The following ZNF331 variants were observed in gnomAD, a reference collection of about 807,000 sequenced individuals.
ZNF331 encodes the protein zinc finger protein 331.
ZNF331 carries 2 observed loss-of-function variants against 7.0 expected under a neutral mutation model. The observed-to-expected ratio is 0.29, with a 90% CI of 0.12 to 0.90. ZNF331 has a LOEUF of 0.90. ZNF331 is among the 40% of genes least tolerant of loss of function. The pLI is 0.58. For synonymous variants in ZNF331, 196 were observed against 205.4 expected, an observed-to-expected ratio of 0.95 and a Z score of 0.39; for missense variants, 432 against 587.7, an observed-to-expected ratio of 0.74 and a Z score of 2.74.
chr19:53,555,278 A>G (rs1271810265), intron 2 of ZNF331: 1 of 126,186 alleles, frequency 7.9e-6, no homozygotes, highest in Admixed American at 8.6e-5. Context: ...TGTGTGTGAC[A>G]GCACAACCTG....
chr19:53,568,507 ACT>A (rs2090273869), intron 3 of ZNF331, among the ~76,000 whole-genome samples: 1 of 152,170 alleles, frequency 6.6e-6, no homozygotes, highest in African/African-American at 2.4e-5. Flanking sequence ...GTCAGCTGAT[ACT>A]GCGTGACCAA....
At chr19:53,529,585 A>G (rs117172311) in intron 2 of ZNF331, among the ~76,000 whole-genome samples, 1,925 of 152,268 alleles carry the variant, frequency 0.013, 18 homozygotes, top group Non-Finnish European at 0.019. Flanking sequence ...CTTTATCTCC[A>G]TTCTAAAGAA....
Position 53,579,651 on chromosome 19 carries a change from C to G in ZNF331, c.*1699C>G. 5.0e-6 allele frequency: 1 copy of G among 200,054 alleles called. No homozygotes were observed. Among genetic ancestry groups the G allele is most frequent in the Non-Finnish European group, 1.0e-5 (1 of 96,802 alleles). 12.4% of individuals were successfully genotyped at this position (200,054 alleles called of 1,614,324 possible). Reference sequence around the variant, plus strand: ...GTGGGTGCAATGAGTCTGGAAAAGACCATTGAGTCTTCTAGAAGAAAACAT... The same window carrying G: ...GTGGGTGCAATGAGTCTGGAAAAGAGCATTGAGTCTTCTAGAAGAAAACAT... On this transcript the variant is annotated 3_prime_UTR_variant, in exon 6 of 6. Transcript: ENST00000449416.
chr19:53,539,459 C>G lies in ZNF331; in HGVS notation c.-138+177C>G, dbSNP rs8106947. 6.6e-6 allele frequency: 1 copy of G among 151,880 alleles called. No individual in the cohort carries two copies. The highest frequency in any genetic ancestry group is 1.9e-4 in the East Asian group (1 of 5,174). 9.4% of individuals were successfully genotyped at this position (151,880 alleles called of 1,614,324 possible). A position where few individuals can be genotyped will look rare whatever the true frequency, so the allele number is the denominator to read the frequency against. On this transcript the variant is annotated intron_variant, in intron 2 of 5. Transcript: ENST00000449416. The surrounding 1 kb of genome is among the most constrained non-coding windows in gnomAD (Gnocchi z 6.1). ...TTAACACGCATAAAACCCATAGACGCGCACCCCTGAGTGGGAGTGCACAGT... is the reference window on the plus strand; with the variant it reads ...TTAACACGCATAAAACCCATAGACGGGCACCCCTGAGTGGGAGTGCACAGT...
At chr19:53,563,343 C>A (rs956894592) in intron 3 of ZNF331, among the ~76,000 whole-genome samples, 5 of 152,118 alleles carry the variant, frequency 3.3e-5, no homozygotes, top group African/African-American at 1.2e-4. Context: ...ACCTCAGCCT[C>A]CCAAAGTACT....
the ZNF331 span, chr19:53,503,380 G>A: frequency 0.093 from 43,321 of 468,150 alleles, 2,325 homozygotes; most frequent in Non-Finnish European, 0.12. Flanking sequence ...GCAGCCTGTG[G>A]GAACTGACAG....
Position 53,573,634 on chromosome 19 carries a change from ATTG to A in ZNF331, c.136+1909_136+1911del, listed in dbSNP as rs1254472560. 2.6e-5 allele frequency among the ~76,000 whole-genome samples: 4 copies of A among 151,968 alleles called. No homozygotes were observed. The highest frequency in any genetic ancestry group is 4.4e-5 in the Non-Finnish European group (3 of 67,968). On this transcript the variant is annotated intron_variant, in intron 5 of 5. Coordinates refer to ENST00000449416, the MANE Select transcript of ZNF331 (RefSeq NM_001079906.2). This position sits in a 1 kb window ranked among gnomAD's most constrained non-coding sequence, Gnocchi z 4.2. ...AGGTGCACACCACGACACCCGGCTA[ATTG>A]TTGTGTTTTTTCTTAGAGATGGGAT... is the stretch of plus-strand genomic sequence containing the variant.
upstream of ZNF331, chr19:53,537,741 T>A (rs2087825328): frequency 6.6e-6 from 1 of 152,194 alleles, no homozygotes; most frequent in South Asian, 2.1e-4. Context: ...GGCCCCAGCG[T>A]TGGGGGACTA....
chr19:53,550,509 TGATTTA>T (rs1311113507), intron 2 of ZNF331, among the ~76,000 whole-genome samples: 3 of 151,266 alleles, frequency 2.0e-5, no homozygotes, highest in Non-Finnish European at 4.4e-5. Context: ...TTACAGTTTT[TGATTTA>T]AAGTCTATTT....
intron 2 of ZNF331, among the ~76,000 whole-genome samples, chr19:53,542,262 C>G (rs2088228558): frequency 6.6e-6 from 1 of 152,118 alleles, no homozygotes; most frequent in Non-Finnish European, 1.5e-5. Flanking sequence ...ATATTTCTAC[C>G]TTGTAGGATT....
rs891640664 is a variant in ZNF331, at chr19:53,528,982, T to G, written c.-205+6298T>G. ...TTGTATTTTTAGTAGAGACGAGGTT[T>G]CACAATGTTGGCCAGGCTGCTCTCA... On this transcript the variant is annotated intron_variant, in intron 2 of 6. Coordinates refer to the ZNF331 transcript ENST00000253144. Among the ~76,000 whole-genome samples, 7 of 152,108 alleles carry G rather than the reference T, an allele frequency of 4.6e-5. No individual in the cohort carries two copies. In the East Asian group the frequency reaches 1.4e-3, roughly 30 times the overall value.
chr19:53,571,311 T>C lies in ZNF331; in HGVS notation c.10-293T>C, dbSNP rs1568539226. On this transcript the variant is annotated intron_variant, in intron 4 of 5. Coordinates refer to ENST00000449416, the MANE Select transcript of ZNF331 (RefSeq NM_001079906.2). The surrounding 1 kb of genome is among the most constrained non-coding windows in gnomAD (Gnocchi z 4.7). ...TATAAGGCAGGCACGTAGCAGACACTGCTTGTAAGCAAGAAGAAAACTTGG... is the reference window on the plus strand; with the variant it reads ...TATAAGGCAGGCACGTAGCAGACACCGCTTGTAAGCAAGAAGAAAACTTGG... 6.6e-6 allele frequency among the ~76,000 whole-genome samples: 1 copy of C among 152,224 alleles called. No individual in the cohort carries two copies. Among genetic ancestry groups the C allele is most frequent in the Non-Finnish European group, 1.5e-5 (1 of 68,056 alleles).
intron 2 of ZNF331, chr19:53,523,588 A>G (rs937370451): frequency 5.3e-5 from 8 of 151,838 alleles, no homozygotes; most frequent in Non-Finnish European, 1.2e-4. Context: ...TATATCGTGA[A>G]TATTAACTGC....
At chr19:53,568,227 AGAGT>A (rs1202439882) in intron 3 of ZNF331, among the ~76,000 whole-genome samples, 1 of 151,792 alleles carries the variant, frequency 6.6e-6, no homozygotes, top group African/African-American at 2.4e-5. Context: ...CCTGGGCAAC[AGAGT>A]GAGACTCCGT....
chr19:53,543,037 G>A (rs1212430334), intron 2 of ZNF331, among the ~76,000 whole-genome samples: 6 of 152,090 alleles, frequency 3.9e-5, no homozygotes, highest in African/African-American at 7.2e-5. Flanking sequence ...TTGAACTCCC[G>A]ACCTCAGGTG....
chr19:53,542,453 G>C (rs1427421492), intron 2 of ZNF331, among the ~76,000 whole-genome samples: 4 of 152,076 alleles, frequency 2.6e-5, no homozygotes, highest in Non-Finnish European at 4.4e-5. Context: ...AAGATTATTT[G>C]TACAAGTAAC....
At chr19:53,525,905 C>T (rs927866574) in intron 2 of ZNF331, among the ~76,000 whole-genome samples, 19 of 152,120 alleles carry the variant, frequency 1.2e-4, no homozygotes, top group African/African-American at 4.6e-4. Context: ...ATGATGTTAG[C>T]TATGTGCTTG....
chr19:53,552,691 C>T (rs531731085), intron 2 of ZNF331, among the ~76,000 whole-genome samples: 1 of 152,300 alleles, frequency 6.6e-6, no homozygotes, highest in Non-Finnish European at 1.5e-5. Flanking sequence ...TGAGATTGCA[C>T]TACTGCTCTC....
At chr19:53,520,196 C>CA (rs1465878991), upstream of ZNF331, among the ~76,000 whole-genome samples, 1 of 150,164 alleles carries the variant, frequency 6.7e-6, no homozygotes, top group Admixed American at 6.7e-5. Flanking sequence ...TACAGGCACA[C>CA]ACCACCACGC....
Sources: gnomAD v4.1 joint callset for allele counts (sites outside exome capture counted in the v4.1 genomes callset) on GRCh38, gnomAD v4.1.1 for gene constraint, Gnocchi (gnomAD v3.1) non-coding constraint, MANE v1.5 for transcripts, NCBI Gene and HGNC (gene_info 2026-07-23, HGNC 2026-07-21) for gene names.